The following ALK variants were observed in gnomAD, a reference collection of about 807,000 sequenced individuals.
ALK encodes ALK receptor tyrosine kinase.
In ALK, 74 loss-of-function variants were observed where a neutral mutation model predicts 163.1. That is an observed-to-expected ratio of 0.45 (90% CI 0.38 to 0.55). ALK has a LOEUF of 0.55. Ranked by LOEUF, ALK falls within the 20% of genes least tolerant of loss-of-function variation. The probability of loss-of-function intolerance (pLI) is 0.00; values close to 1 mark genes in which losing one functional copy is unlikely to be tolerated. For synonymous variants in ALK, 960 were observed against 843.2 expected, an observed-to-expected ratio of 1.14 and a Z score of -2.40; for missense variants, 2,063 against 2,105.3, an observed-to-expected ratio of 0.98 and a Z score of 0.39.
chr2:29,662,175 G>A (rs922425340), intron 3 of ALK, among the ~76,000 whole-genome samples: 6 of 152,068 alleles, frequency 3.9e-5, no homozygotes, highest in African/African-American at 1.4e-4. Context: ...GCCTCCCAAA[G>A]TGCTAAGATT....
intron 1 of ALK, among the ~76,000 whole-genome samples, chr2:29,812,556 A>T (rs921702928): frequency 2.0e-5 from 3 of 152,248 alleles, no homozygotes; most frequent in African/African-American, 7.2e-5. Flanking sequence ...CATATAAAAA[A>T]TTCCCTTCCT....
chr2:29,232,766 T>C (rs1337319990), intron 14 of ALK, among the ~76,000 whole-genome samples: 1 of 152,162 alleles, frequency 6.6e-6, no homozygotes, highest in East Asian at 1.9e-4. Context: ...TGAAGCTCCT[T>C]AGACTGGCCT....
intron 1 of ALK, 86 bp downstream of exon 1, chr2:29,919,907 G>A (rs1041079399): frequency 8.0e-6 from 12 of 1,494,344 alleles, no homozygotes; most frequent in Non-Finnish European, 9.2e-6. Context: ...TTAGAAAGTG[G>A]GGTGGAAGTG....
At chr2:29,701,203 C>A (rs547485078) in intron 2 of ALK, among the ~76,000 whole-genome samples, 1 of 152,312 alleles carries the variant, frequency 6.6e-6, no homozygotes, top group East Asian at 1.9e-4. Context: ...TCCCCAGAAT[C>A]CCTTGGATCA....
intron 4 of ALK, among the ~76,000 whole-genome samples, chr2:29,457,339 A>G (rs4455116): frequency 0.12 from 18,681 of 152,132 alleles, 1,570 homozygotes; most frequent in East Asian, 0.34. Context: ...GTGAAGAAGT[A>G]AACCGGAAGG....
At chr2:29,721,761 G>A (rs997110834) in intron 1 of ALK, among the ~76,000 whole-genome samples, 1 of 152,114 alleles carries the variant, frequency 6.6e-6, no homozygotes, top group African/African-American at 2.4e-5. Flanking sequence ...TCTCTACCAA[G>A]TCAGTCACAC....
chr2:29,919,670 C>A (rs1667932079), intron 1 of ALK, among the ~76,000 whole-genome samples: 1 of 152,174 alleles, frequency 6.6e-6, no homozygotes. Context: ...CGGGGCATTT[C>A]AACTGTCCCG....
At chr2:29,834,354 A>G (rs1210549382) in intron 1 of ALK, among the ~76,000 whole-genome samples, 1 of 152,232 alleles carries the variant, frequency 6.6e-6, no homozygotes, top group Non-Finnish European at 1.5e-5. Flanking sequence ...AATGCCAAGT[A>G]GCAGTAGCCA....
At chr2:29,494,369 T>C (rs1229541911) in intron 4 of ALK, among the ~76,000 whole-genome samples, 1 of 152,244 alleles carries the variant, frequency 6.6e-6, no homozygotes, top group East Asian at 1.9e-4. Context: ...GGGAGAAATC[T>C]GGGATGAGAG....
chr2:29,764,035 C>G (rs531689911), intron 1 of ALK, among the ~76,000 whole-genome samples: 12 of 152,184 alleles, frequency 7.9e-5, no homozygotes, highest in Non-Finnish European at 1.5e-4. Flanking sequence ...GACAAACCCT[C>G]AGAGACATCC....
At chr2:29,611,638 G>A (rs1046074387) in intron 3 of ALK, among the ~76,000 whole-genome samples, 2 of 152,162 alleles carry the variant, frequency 1.3e-5, no homozygotes, top group African/African-American at 2.4e-5. Context: ...CCACAGTTAG[G>A]GGGAGGGGCC....
chr2:29,709,785 C>T (rs567288515), intron 2 of ALK, among the ~76,000 whole-genome samples: 78 of 152,258 alleles, frequency 5.1e-4, no homozygotes, highest in African/African-American at 1.8e-3. Context: ...ATCCAAGAGC[C>T]ATGTCATGTC....
chr2:29,714,825 C>G (rs1287876541), intron 2 of ALK, among the ~76,000 whole-genome samples: 5 of 152,138 alleles, frequency 3.3e-5, no homozygotes, highest in Admixed American at 6.5e-5. Flanking sequence ...GATTTATCAC[C>G]CAACTCAGCT....
chr2:29,835,120 A>AT, intron 1 of ALK, among the ~76,000 whole-genome samples: 1 of 152,348 alleles, frequency 6.6e-6, no homozygotes, highest in Admixed American at 6.5e-5. Context: ...TTGTGCAGCA[A>AT]AAGGCTGAGT....
At chr2:29,548,609 C>T (rs377314581) in intron 3 of ALK, among the ~76,000 whole-genome samples, 2 of 152,142 alleles carry the variant, frequency 1.3e-5, no homozygotes, top group East Asian at 3.9e-4. Context: ...GTCATCGCAG[C>T]GAAGGCTTCT....
At chr2:29,896,112 G>C (rs186773873) in intron 1 of ALK, among the ~76,000 whole-genome samples, 131 of 152,332 alleles carry the variant, frequency 8.6e-4, no homozygotes, top group Non-Finnish European at 1.4e-3. Context: ...AGGACAAAAA[G>C]AGCTCCTACA....
chr2:29,232,286 A>C lies in ALK; in HGVS notation c.2632+18T>G. The C allele has an allele frequency of 6.2e-7, 1 of 1,614,056 alleles. No homozygotes were observed. The highest frequency in any genetic ancestry group is 1.1e-5 in the South Asian group (1 of 91,072). On this transcript the variant is annotated intron_variant, in intron 15 of 28. Coordinates refer to ENST00000389048, the MANE Select transcript of ALK (RefSeq NM_004304.5). Reference sequence around the variant, plus strand: ...CCTGGGAGAGGTTCTGGGAGAGGGCACGCTTGCAGCGCTTTACCTGCGGCT... The same window carrying C: ...CCTGGGAGAGGTTCTGGGAGAGGGCCCGCTTGCAGCGCTTTACCTGCGGCT...
chr2:29,400,786 C>T (rs1423302887), intron 4 of ALK, among the ~76,000 whole-genome samples: 1 of 152,064 alleles, frequency 6.6e-6, no homozygotes, highest in Non-Finnish European at 1.5e-5. Flanking sequence ...ACCAGCCTGA[C>T]CAACATGGAG....
At chr2:29,751,589 A>C (rs1193037044) in intron 1 of ALK, among the ~76,000 whole-genome samples, 1 of 152,026 alleles carries the variant, frequency 6.6e-6, no homozygotes, top group East Asian at 1.9e-4. Flanking sequence ...GCCTTCTGCT[A>C]CTCTGAGTTA....
Sources: gnomAD v4.1 joint callset for allele counts (sites outside exome capture counted in the v4.1 genomes callset) on GRCh38, gnomAD v4.1.1 for gene constraint, MANE v1.5 for transcripts, NCBI Gene and HGNC (gene_info 2026-07-23, HGNC 2026-07-21) for gene names.